Variants in LHFPL3 observed in about 807,000 individuals in gnomAD.
LHFPL3 encodes the protein LHFPL tetraspan subfamily member 3.
A neutral mutation model predicts 19.3 loss-of-function variants in LHFPL3; 5 were observed. The ratio of observed to expected loss-of-function variants is 0.26; its 90% CI spans 0.14 to 0.54. The LOEUF (loss-of-function observed/expected upper bound fraction) is 0.54. Among genes scored for constraint, LHFPL3 ranks in the 20% least tolerant of loss-of-function variants. The pLI is 0.94. For missense variants in LHFPL3, 249 were observed against 307.4 expected (o/e 0.81, Z 1.42); for synonymous variants, 133 against 126.2 (o/e 1.05, Z -0.36).
chr7:104,635,685 C>G (rs1791717045), intron 1 of LHFPL3, among the ~76,000 whole-genome samples: 1 of 152,100 alleles, frequency 6.6e-6, no homozygotes, highest in Non-Finnish European at 1.5e-5. Flanking sequence ...AAGAATGTGT[C>G]CTACAGAACC....
At chr7:104,470,391 C>A (rs148813443) in intron 1 of LHFPL3, among the ~76,000 whole-genome samples, 1 of 152,176 alleles carries the variant, frequency 6.6e-6, no homozygotes, top group South Asian at 2.1e-4. Context: ...TTTCCCACAT[C>A]GACCCATTCA....
intron 1 of LHFPL3, among the ~76,000 whole-genome samples, chr7:104,392,151 T>C (rs1326386570): frequency 3.3e-5 from 5 of 152,144 alleles, no homozygotes; most frequent in Non-Finnish European, 5.9e-5. Context: ...TTTGACTTCC[T>C]CTTTTCCTGA....
chr7:104,623,385 C>A (rs1791485212), intron 1 of LHFPL3, among the ~76,000 whole-genome samples: 1 of 152,132 alleles, frequency 6.6e-6, no homozygotes, highest in Admixed American at 6.5e-5. Context: ...ATCCTGGCAC[C>A]TTAGAAGGCC....
intron 1 of LHFPL3, among the ~76,000 whole-genome samples, chr7:104,457,443 A>T (rs1584332603): frequency 6.6e-6 from 1 of 152,018 alleles, no homozygotes; most frequent in East Asian, 1.9e-4. Context: ...AAGGACATGA[A>T]CTCATCATTT....
chr7:104,376,274 A>C (rs775075309), intron 1 of LHFPL3, among the ~76,000 whole-genome samples: 16 of 152,236 alleles, frequency 1.1e-4, no homozygotes, highest in Non-Finnish European at 2.1e-4. Context: ...GTGGTCAACA[A>C]AGACAAGATC....
At chr7:104,354,209 T>C (rs1307028249) in intron 1 of LHFPL3, among the ~76,000 whole-genome samples, 2 of 152,264 alleles carry the variant, frequency 1.3e-5, no homozygotes, top group Non-Finnish European at 1.5e-5. Context: ...CGTGGCTGTA[T>C]GCACCTCTGG....
At chr7:104,676,668 G>A (rs1357298416) in intron 1 of LHFPL3, among the ~76,000 whole-genome samples, 2 of 152,198 alleles carry the variant, frequency 1.3e-5, no homozygotes, top group Admixed American at 6.5e-5. Flanking sequence ...TTTAGCCTCA[G>A]TCATAAATAA....
intron 1 of LHFPL3, among the ~76,000 whole-genome samples, chr7:104,373,568 G>T (rs569312461): frequency 4.8e-4 from 73 of 152,242 alleles, no homozygotes; most frequent in African/African-American, 1.7e-3. Context: ...GGGAACATGG[G>T]CCCAAGGTGG....
intron 1 of LHFPL3, among the ~76,000 whole-genome samples, chr7:104,626,843 A>G (rs570858299): frequency 1.3e-5 from 2 of 152,270 alleles, no homozygotes; most frequent in South Asian, 4.2e-4. Flanking sequence ...CTTGAAGTCA[A>G]CATCACTTGT....
In LHFPL3 at chr7:104,907,584, C is replaced by A; in HGVS notation, c.*1369C>A. ...AAATAGCCCATTGCCTGAGAATGAA[C>A]ACAAGCTAAAATACATGCAAGGGTA... On this transcript the variant is annotated 3_prime_UTR_variant, in exon 3 of 3. Transcript: ENST00000424859. Among the ~76,000 whole-genome samples, 1 of 152,164 alleles carries A rather than the reference C, an allele frequency of 6.6e-6. No individual in the cohort carries two copies. Among genetic ancestry groups the A allele is most frequent in the African/African-American group, 2.4e-5 (1 of 41,444 alleles).
chr7:104,554,127 CTT>C (rs1325921799), intron 1 of LHFPL3, among the ~76,000 whole-genome samples: 2 of 152,218 alleles, frequency 1.3e-5, no homozygotes, highest in South Asian at 2.1e-4. Context: ...ATCCTTGTCT[CTT>C]TTATTTTGAC....
intron 1 of LHFPL3, among the ~76,000 whole-genome samples, chr7:104,732,926 C>T (rs1793732433): frequency 6.6e-6 from 1 of 152,186 alleles, no homozygotes; most frequent in African/African-American, 2.4e-5. Flanking sequence ...TATGTTGTGT[C>T]TTTGTTCTCA....
chr7:104,790,923 G>T (rs1031159130), intron 2 of LHFPL3, among the ~76,000 whole-genome samples: 1 of 152,192 alleles, frequency 6.6e-6, no homozygotes, highest in South Asian at 2.1e-4. Context: ...CAAATGTACG[G>T]TTGTATTATT....
At chr7:104,836,643 T>C (rs752532461) in intron 2 of LHFPL3, among the ~76,000 whole-genome samples, 5 of 152,128 alleles carry the variant, frequency 3.3e-5, no homozygotes, top group Non-Finnish European at 7.4e-5. Context: ...TACGGTGCCA[T>C]GAAGGTTGGG....
intron 1 of LHFPL3, among the ~76,000 whole-genome samples, chr7:104,631,397 G>C (rs1191761782): frequency 6.6e-6 from 1 of 151,878 alleles, no homozygotes; most frequent in East Asian, 1.9e-4. Flanking sequence ...CCCTTGAAAG[G>C]AGCATGACCC....
chr7:104,576,946 G>C (rs1031676870), intron 1 of LHFPL3, among the ~76,000 whole-genome samples: 1 of 152,160 alleles, frequency 6.6e-6, no homozygotes, highest in African/African-American at 2.4e-5. Flanking sequence ...TGTCACCAGA[G>C]TTTATCTTCT....
Position 104,650,830 on chromosome 7 carries a change from C to T in LHFPL3, c.446-85845C>T, listed in dbSNP as rs933304822. ...AAACAGGCCATTAAAGCAAAATGGA[C>T]AACCGCTTATGGTGACTCAAAATTT... On this transcript the variant is annotated intron_variant, in intron 1 of 2. Coordinates refer to ENST00000424859, the MANE Select transcript of LHFPL3 (RefSeq NM_199000.3). 2.0e-5 allele frequency among the ~76,000 whole-genome samples: 3 copies of T among 152,138 alleles called. No homozygotes were observed. The East Asian group carries it at 5.8e-4, about 29-fold the overall frequency.
intron 1 of LHFPL3, among the ~76,000 whole-genome samples, chr7:104,532,278 G>A (rs1381292081): frequency 3.0e-5 from 4 of 134,462 alleles, no homozygotes; most frequent in Non-Finnish European, 3.2e-5. Flanking sequence ...CACCATGCTT[G>A]GCTAATGTTT....
At chr7:104,436,554 C>G (rs117634554) in intron 1 of LHFPL3, among the ~76,000 whole-genome samples, 3,322 of 152,194 alleles carry the variant, frequency 0.022, 41 homozygotes, top group Non-Finnish European at 0.031. Flanking sequence ...TTTTTAAAAT[C>G]TTGGTTCTTA....
Sources: allele counts gnomAD v4.1 joint callset (sites outside exome capture counted in the v4.1 genomes callset), GRCh38; gene constraint gnomAD v4.1.1; transcripts MANE v1.5; gene names NCBI Gene and HGNC (gene_info 2026-07-23, HGNC 2026-07-21).